SHPK: variants seen among roughly 807,000 people sequenced by gnomAD.
SHPK encodes sedoheptulokinase.
A neutral mutation model predicts 46.3 loss-of-function variants in SHPK; 51 were observed. The observed-to-expected ratio is 1.10, with a 90% CI of 0.88 to 1.39. The LOEUF (loss-of-function observed/expected upper bound fraction) is 1.39. SHPK is among the 40% of genes most tolerant of loss of function. The probability of loss-of-function intolerance (pLI) is 0.00; values close to 1 mark genes in which losing one functional copy is unlikely to be tolerated. For synonymous variants in SHPK, 290 were observed against 273.9 expected, an observed-to-expected ratio of 1.06 and a Z score of -0.58; for missense variants, 668 against 641.3, an observed-to-expected ratio of 1.04 and a Z score of -0.45.
Position 3,630,231 on chromosome 17 carries a change from C to T in SHPK, c.284G>A (p.Gly95Glu), listed in dbSNP as rs2075462025. Residue 95 changes from glycine to glutamate, a missense_variant, in exon 2 of 7, where the codon GGA becomes GAA. Coordinates refer to ENST00000225519, the MANE Select transcript of SHPK (RefSeq NM_013276.4). ...TTGGCCTGTTTTCCAAAACACGACT[C>T]CATGCATCTGGCCCGACACCCCGAT... ...VGIGVSGQMH[G>E]VVFWKTGQGC... 1.9e-6 allele frequency: 3 copies of T among 1,613,870 alleles called. No homozygotes were observed. The highest frequency in any genetic ancestry group is 1.7e-6 in the Non-Finnish European group (2 of 1,179,998).
At position 3,623,448 on chromosome 17, in the gene SHPK, C is replaced by A. The variant is rs925211754; in HGVS notation, c.538G>T (p.Asp180Tyr). 1.9e-6 allele frequency: 3 copies of A among 1,614,006 alleles called. No homozygotes were observed. Among genetic ancestry groups the A allele is most frequent in the Admixed American group, 3.3e-5 (2 of 60,006 alleles). The change falls in exon 4 of 7, where the codon GAC (aspartate) becomes TAC (tyrosine). Residue 180 changes from aspartate (D) to tyrosine (Y), a missense_variant. Transcript: ENST00000225519. Reference protein sequence around the residue: ...KSYDAAGTIHDYVVAMLCGLP... With the variant: ...KSYDAAGTIHYYVVAMLCGLP... ...CCACACAGCATGGCAACCACATAGTCGTGGATGGTACCGGCTGCGTCGTAG... is the reference window on the plus strand; with the variant it reads ...CCACACAGCATGGCAACCACATAGTAGTGGATGGTACCGGCTGCGTCGTAG...
chr17:3,615,713 G>A (rs1359112415), intron 5 of SHPK, among the ~76,000 whole-genome samples, 176 bp from the exon 6 acceptor site: 1 of 151,588 alleles, frequency 6.6e-6, no homozygotes, highest in African/African-American at 2.4e-5. Context: ...GTCACAGTTT[G>A]GCAGTGAGAG....
intron 4 of SHPK, among the ~76,000 whole-genome samples, chr17:3,621,757 A>G (rs1256115537): frequency 6.6e-6 from 1 of 151,466 alleles, no homozygotes; most frequent in Non-Finnish European, 1.5e-5. Context: ...GGTTCAAGCA[A>G]TTCTCCTGCC....
At chr17:3,627,952 C>T (rs1229238933) in intron 2 of SHPK, among the ~76,000 whole-genome samples, 4 of 151,934 alleles carry the variant, frequency 2.6e-5, no homozygotes, top group Non-Finnish European at 4.4e-5. Flanking sequence ...GCAGCTCCCA[C>T]GGCCCCGGCG....
Position 3,610,815 on chromosome 17 carries a change from G to A in SHPK, c.1182C>T (p.Ser394=), listed in dbSNP as rs1250773221. 8.7e-6 allele frequency: 14 copies of A among 1,614,060 alleles called. No individual in the cohort carries two copies. Among genetic ancestry groups the A allele is most frequent in the Non-Finnish European group, 1.2e-5 (14 of 1,180,030 alleles). Residue 394 remains serine (S), a synonymous_variant, in exon 7 of 7, where the codon TCC becomes TCT. Transcript: ENST00000225519. ...ACAGAGCCCGGGTCACGTGCCCCAGGGAGAGGTCGGAGGAGGAGATTCTGG... is the reference window on the plus strand; with the variant it reads ...ACAGAGCCCGGGTCACGTGCCCCAGAGAGAGGTCGGAGGAGGAGATTCTGG... ...SVTRISSSDL[S]LGHVTRALCR... is the part of the protein sequence containing the mutation.
At chr17:3,618,775 A>C (rs2075382369) in intron 5 of SHPK, among the ~76,000 whole-genome samples, 1 of 150,868 alleles carries the variant, frequency 6.6e-6, no homozygotes, top group South Asian at 2.1e-4. Context: ...ACAAGACTCC[A>C]TCTCAAAAAA....
rs866910385 is a variant in SHPK, at chr17:3,612,095, T to G, written c.1025-1123A>C. 1.7e-4 allele frequency among the ~76,000 whole-genome samples: 26 copies of G among 150,496 alleles called. No individual in the cohort carries two copies. The Middle Eastern group carries it at 0.014, about 79-fold the overall frequency. On this transcript the variant is annotated intron_variant, in intron 6 of 6. Coordinates refer to ENST00000225519, the MANE Select transcript of SHPK (RefSeq NM_013276.4). ...CTGGGGTTACAGGCATGAGCCACCA[T>G]GCCCCGCCAGCTCTGCATTCTTAAA... is the stretch of plus-strand genomic sequence containing the variant.
At chr17:3,621,481 TCCTTCCTC>T in intron 4 of SHPK, 69 bp from the exon 5 acceptor site, 10 of 1,436,604 alleles carry the variant, frequency 7.0e-6, no homozygotes, top group South Asian at 1.3e-5. Context: ...GATCCTTCCT[TCCTTCCTC>T]CCTTCCTTCT....
At chr17:3,627,090 A>G (rs2075443081) in intron 2 of SHPK, among the ~76,000 whole-genome samples, 1 of 152,116 alleles carries the variant, frequency 6.6e-6, no homozygotes, top group South Asian at 2.1e-4. Flanking sequence ...TTCCTCTTCC[A>G]GGAGTAACCT....
chr17:3,620,582 A>G (rs1476235200), intron 5 of SHPK, among the ~76,000 whole-genome samples: 1 of 137,708 alleles, frequency 7.3e-6, no homozygotes, highest in African/African-American at 2.7e-5. Context: ...TTTTGTTTTG[A>G]GATGGAGTCT....
chr17:3,613,288 G>A (rs1424984374), intron 6 of SHPK, among the ~76,000 whole-genome samples: 1 of 151,174 alleles, frequency 6.6e-6, no homozygotes, highest in East Asian at 1.9e-4. Context: ...ATTTCTGGGC[G>A]TGGGACCAGG....
chr17:3,631,564 T>G (rs970550628), intron 1 of SHPK, among the ~76,000 whole-genome samples: 1 of 141,402 alleles, frequency 7.1e-6, no homozygotes, highest in Non-Finnish European at 1.5e-5. Context: ...TCTCTATTGC[T>G]CAGGCTAGAG....
intron 6 of SHPK, among the ~76,000 whole-genome samples, chr17:3,614,847 CAAA>C (rs35009244): frequency 2.2e-5 from 2 of 91,798 alleles, no homozygotes; most frequent in African/African-American, 5.4e-5. Flanking sequence ...GACTCCGTCT[CAAA>C]AAAAAAAAAA....
intron 1 of SHPK, among the ~76,000 whole-genome samples, chr17:3,630,821 G>A (rs920522212): frequency 6.6e-6 from 1 of 152,096 alleles, no homozygotes; most frequent in Non-Finnish European, 1.5e-5. Flanking sequence ...CCGAGATCAC[G>A]CCACGGCACT....
intron 4 of SHPK, chr17:3,622,526 T>C (rs1050979720): frequency 1.5e-5 from 14 of 941,486 alleles, no homozygotes; most frequent in Non-Finnish European, 1.5e-5. Context: ...TCACACAACA[T>C]GCTGGAAAGT....
intron 4 of SHPK, among the ~76,000 whole-genome samples, chr17:3,622,906 T>A (rs896167651): frequency 6.6e-6 from 1 of 152,118 alleles, no homozygotes; most frequent in East Asian, 1.9e-4. Flanking sequence ...GGTTTCGCCA[T>A]GTTGCCCAGG....
intron 5 of SHPK, among the ~76,000 whole-genome samples, chr17:3,618,395 G>T (rs1022387178): frequency 6.6e-6 from 1 of 152,010 alleles, no homozygotes; most frequent in Non-Finnish European, 1.5e-5. Flanking sequence ...GTAAGCCACC[G>T]CACCCAGCCA....
rs201449504 is a variant in SHPK at position 3,615,850 on chromosome 17, ATTTTTTT to A, written c.824-320_824-314del. ...TGTTGAAGAGATGTTGATCAAAGGA[ATTTTTTT>A]TTTTTTTTTTTTTTTGAGACAGAGT... On this transcript the variant is annotated intron_variant, in intron 5 of 6. Coordinates refer to ENST00000225519, the MANE Select transcript of SHPK (RefSeq NM_013276.4). Among the ~76,000 whole-genome samples the A allele has an allele frequency of 1.4e-3, 148 of 107,598 alleles. 4 individuals carry two copies. The highest frequency in any genetic ancestry group is 5.0e-3 in the Middle Eastern group (1 of 202). 70.6% of individuals were successfully genotyped at this position (107,598 alleles called of 152,430 possible).
chr17:3,623,215 C>T (rs1486357213), intron 4 of SHPK, 124 bp downstream of exon 4: 9 of 1,088,356 alleles, frequency 8.3e-6, no homozygotes, highest in Non-Finnish European at 1.2e-5. Flanking sequence ...GCACTGGACC[C>T]TGATCCTGGC....
Sources: allele counts gnomAD v4.1 joint callset (sites outside exome capture counted in the v4.1 genomes callset), GRCh38; gene constraint gnomAD v4.1.1; transcripts MANE v1.5; gene names NCBI Gene and HGNC (gene_info 2026-07-23, HGNC 2026-07-21).